The following ZBTB25 variants were observed in gnomAD, a reference collection of about 807,000 sequenced individuals.
ZBTB25 encodes the protein zinc finger and BTB domain containing 25.
Under a neutral mutation model 34.2 loss-of-function variants are expected in ZBTB25, and 20 were observed. The ratio of observed to expected loss-of-function variants is 0.58; its 90% CI spans 0.41 to 0.85. The LOEUF (loss-of-function observed/expected upper bound fraction) is 0.85. ZBTB25 is among the 40% of genes least tolerant of loss of function. The pLI is 0.00. For missense variants in ZBTB25, 437 were observed against 521.8 expected (o/e 0.84, Z 1.58); for synonymous variants, 175 against 186.4 (o/e 0.94, Z 0.50).
Position 64,485,072 on chromosome 14 carries a change from C to T in ZBTB25, c.*1851G>A. On this transcript the variant is annotated 3_prime_UTR_variant, in exon 3 of 3. Coordinates refer to ENST00000608382, the MANE Select transcript of ZBTB25 (RefSeq NM_006977.5). ...TCACTTGTTTAAGGCAGAAACTCAA[C>T]TGCCTTACACAATATCCAGTAGCTT... The T allele has an allele frequency of 2.0e-6, 2 of 985,464 alleles. No homozygotes were observed. Among genetic ancestry groups the T allele is most frequent in the Non-Finnish European group, 2.4e-6 (2 of 829,946 alleles). 61.0% of individuals were successfully genotyped at this position (985,464 alleles called of 1,614,324 possible).
At position 64,500,313 on chromosome 14, in the gene ZBTB25, TA is replaced by T. The variant is rs2079442555; in HGVS notation, c.-8+3347del. 3.3e-5 allele frequency among the ~76,000 whole-genome samples: 5 copies of T among 152,004 alleles called. No homozygotes were observed. In the South Asian group the frequency reaches 1.0e-3, roughly 32 times the overall value. ...TGAACACACTACTCAAGTGGGCTAA[TA>T]AAAACCTTTGCTTAAAGTGCTTGGA... On this transcript the variant is annotated intron_variant, in intron 1 of 2. Coordinates refer to ENST00000608382, the MANE Select transcript of ZBTB25 (RefSeq NM_006977.5).
Position 64,488,036 on chromosome 14 carries a change from T to C in ZBTB25, c.195A>G (p.Pro65=), listed in dbSNP as rs762813773. The C allele has an allele frequency of 6.2e-7, 1 of 1,612,154 alleles. No individual in the cohort carries two copies. Among genetic ancestry groups the C allele is most frequent in the Non-Finnish European group, 8.5e-7 (1 of 1,178,358 alleles). ...TGAATATGTCAGGTTGGATGTCAGT[T>C]GGTTGTATTTTTATGCATTCACTGT... The part of the protein sequence containing the change: ...HQTSECIKIQ[P]TDIQPDIFSY... The change falls in exon 3 of 3, where the codon CCA becomes CCG. Residue 65 remains proline, a synonymous_variant. Transcript: ENST00000608382.
At chr14:64,475,704 C>G (rs2078713830), downstream of ZBTB25, among the ~76,000 whole-genome samples, 1 of 152,098 alleles carries the variant, frequency 6.6e-6, no homozygotes, top group Non-Finnish European at 1.5e-5. Flanking sequence ...CACAGAAAAT[C>G]CTCTGCAAAA....
Position 64,486,280 on chromosome 14 carries a change from C to T in ZBTB25, c.*643G>A, listed in dbSNP as rs755374536. ...TCGCGCCACTGCGCCCCAGCCTGGG[C>T]GACACAGAGAGACTCTGTCTCAAAA... is the stretch of plus-strand genomic sequence containing the variant. On this transcript the variant is annotated 3_prime_UTR_variant, in exon 3 of 3. Transcript: ENST00000608382. 2.9e-5 allele frequency: 28 copies of T among 976,436 alleles called. No individual in the cohort carries two copies. Among genetic ancestry groups the T allele is most frequent in the Admixed American group, 1.2e-4 (2 of 16,168 alleles). 60.5% of individuals were successfully genotyped at this position (976,436 alleles called of 1,614,324 possible).
intron 2 of ZBTB25, chr14:64,458,161 G>A: frequency 4.3e-6 from 6 of 1,379,524 alleles, no homozygotes; most frequent in South Asian, 2.3e-5. Context: ...GATTATAGGC[G>A]TGAGCCACTG....
At chr14:64,492,949 G>A (rs998971720) in intron 1 of ZBTB25, among the ~76,000 whole-genome samples, 1 of 152,148 alleles carries the variant, frequency 6.6e-6, no homozygotes, top group African/African-American at 2.4e-5. Context: ...CAGTAGCACA[G>A]AGCAGTTAGA....
At chr14:64,453,977 GCCTTCTCT>G (rs1436202779) in intron 2 of ZBTB25, 2 of 717,048 alleles carry the variant, frequency 2.8e-6, no homozygotes, top group Non-Finnish European at 5.1e-6. Flanking sequence ...CTGGGTGGCA[GCCTTCTCT>G]CCTCTGAAAT....
chr14:64,463,297 CTA>C (rs200602576), intron 2 of ZBTB25: 2,464 of 149,516 alleles, frequency 0.016, 28 homozygotes, highest in Middle Eastern at 0.041. Flanking sequence ...TAAAGAAAAA[CTA>C]TGGTGCGCTA....
At chr14:64,500,077 T>C (rs2079434291) in intron 1 of ZBTB25, among the ~76,000 whole-genome samples, 1 of 151,518 alleles carries the variant, frequency 6.6e-6, no homozygotes, top group South Asian at 2.1e-4. Flanking sequence ...TTAAAAAAAA[T>C]CAGAACCCGG....
chr14:64,493,452 TAATA>T (rs2079158648), intron 1 of ZBTB25, among the ~76,000 whole-genome samples: 2 of 152,214 alleles, frequency 1.3e-5, no homozygotes, highest in Admixed American at 6.5e-5. Flanking sequence ...AGTTAGTGCC[TAATA>T]AATACTAGGC....
chr14:64,449,745 G>C, intron 2 of ZBTB25: 1 of 1,152,378 alleles, frequency 8.7e-7, no homozygotes. Flanking sequence ...TGATTCCCAC[G>C]TAGGTGACTT....
intron 2 of ZBTB25, chr14:64,458,050 C>A: frequency 1.5e-6 from 1 of 678,830 alleles, no homozygotes; most frequent in Non-Finnish European, 2.7e-6. Context: ...GCCATCATAT[C>A]CAGCTAATTT....
At chr14:64,466,962 T>C (rs2078618666) in intron 2 of ZBTB25, 1 of 152,218 alleles carries the variant, frequency 6.6e-6, no homozygotes, top group African/African-American at 2.4e-5. Context: ...ATTTTTGGCT[T>C]TTAAATTAGT....
upstream of ZBTB25, chr14:64,504,904 A>G: frequency 5.0e-6 from 2 of 396,050 alleles, no homozygotes; most frequent in Non-Finnish European, 8.9e-6. Flanking sequence ...GATTTGCCTT[A>G]AACTCCCTAA....
chr14:64,465,888 A>C (rs1407977908), intron 2 of ZBTB25, among the ~76,000 whole-genome samples: 1 of 152,170 alleles, frequency 6.6e-6, no homozygotes, highest in Non-Finnish European at 1.5e-5. Flanking sequence ...CCTCTTTGAG[A>C]AATGTGATTT....
At chr14:64,505,158 CTGA>C, upstream of ZBTB25, 1 of 337,258 alleles carries the variant, frequency 3.0e-6, no homozygotes, top group Admixed American at 4.9e-5. Flanking sequence ...TGCGGCCTCC[CTGA>C]GTCGGAGGCG....
Position 64,480,368 on chromosome 14 carries a change from T to C in ZBTB25, c.*6555A>G. On this transcript the variant is annotated 3_prime_UTR_variant, in exon 3 of 3. Transcript: ENST00000608382. ...AAAAGAAGAAGCAAAGCAAGAAACT[T>C]CTGGGAAATGACGAAATACTACCTT... 2.5e-6 allele frequency: 1 copy of C among 392,750 alleles called. No individual in the cohort carries two copies. The highest frequency in any genetic ancestry group is 4.9e-6 in the Non-Finnish European group (1 of 203,294). The allele number at this position is 392,750 out of a possible 1,614,324, so 24.3% of individuals were successfully genotyped here.
At chr14:64,468,859 G>A (rs369440017) in intron 2 of ZBTB25, 4 of 1,613,988 alleles carry the variant, frequency 2.5e-6, no homozygotes, top group African/African-American at 1.3e-5. Context: ...TCAAAGTCCA[G>A]GAAGAAGCTG....
upstream of ZBTB25, chr14:64,505,163 TCGG>T: frequency 3.0e-6 from 1 of 335,996 alleles, no homozygotes; most frequent in Admixed American, 4.9e-5. Flanking sequence ...CCTCCCTGAG[TCGG>T]AGGCGAAGCC....
Sources: gnomAD v4.1 joint callset for allele counts (sites outside exome capture counted in the v4.1 genomes callset) on GRCh38, gnomAD v4.1.1 for gene constraint, MANE v1.5 for transcripts, NCBI Gene and HGNC (gene_info 2026-07-23, HGNC 2026-07-21) for gene names.